Variants in B3GLCT observed in about 807,000 individuals in gnomAD.
B3GLCT encodes the protein beta-1,3-glucosyltransferase.
B3GLCT carries 65 observed loss-of-function variants against 63.4 expected under a neutral mutation model. The ratio of observed to expected loss-of-function variants is 1.03; its 90% CI spans 0.84 to 1.26. The LOEUF (loss-of-function observed/expected upper bound fraction) is 1.26. Ranked by LOEUF, B3GLCT falls within the 50% of genes most tolerant of loss-of-function variation. The probability of loss-of-function intolerance (pLI) is 0.00; values close to 1 mark genes in which losing one functional copy is unlikely to be tolerated. For missense variants in B3GLCT, 577 were observed against 604.8 expected, an observed-to-expected ratio of 0.95 and a Z score of 0.48; for synonymous variants, 233 against 219.2, an observed-to-expected ratio of 1.06 and a Z score of -0.55.
rs547185920 is a variant in B3GLCT, at chr13:31,292,192, G to C, written c.1064+5373G>C. Among the ~76,000 whole-genome samples, 111 of 152,284 alleles carry C rather than the reference G, an allele frequency of 7.3e-4. 1 individual carries two copies. Among genetic ancestry groups the C allele is most frequent in the Non-Finnish European group, 9.6e-4 (65 of 68,034 alleles). ...CTTGATCATGGTAGACAAGGTTTTTGATGTGCTGCTGGATTTGGTTTGCCA... is the reference window on the plus strand; with the variant it reads ...CTTGATCATGGTAGACAAGGTTTTTCATGTGCTGCTGGATTTGGTTTGCCA... On this transcript the variant is annotated intron_variant, in intron 12 of 14. Coordinates refer to ENST00000343307, the MANE Select transcript of B3GLCT (RefSeq NM_194318.4).
intron 4 of B3GLCT, among the ~76,000 whole-genome samples, chr13:31,233,590 G>A (rs184302665): frequency 6.6e-6 from 1 of 152,144 alleles, no homozygotes; most frequent in African/African-American, 2.4e-5. Context: ...TCCAGTGTGT[G>A]TAGGCCAAGC....
chr13:31,280,076 T>C (rs1684862464), intron 10 of B3GLCT, among the ~76,000 whole-genome samples: 1 of 152,148 alleles, frequency 6.6e-6, no homozygotes, highest in Non-Finnish European at 1.5e-5. Context: ...GTTTAAACAA[T>C]TTGTGCAGTT....
intron 11 of B3GLCT, 110 bp from the exon 12 acceptor site, chr13:31,286,610 C>T (rs779576760): frequency 6.2e-5 from 46 of 741,216 alleles, no homozygotes; most frequent in Non-Finnish European, 9.1e-5. Context: ...TTTTAAGCTG[C>T]ATTTTGGCAT....
chr13:31,200,564 C>T (rs899473916), intron 1 of B3GLCT, among the ~76,000 whole-genome samples: 1 of 151,028 alleles, frequency 6.6e-6, no homozygotes, highest in African/African-American at 2.4e-5. Context: ...GCGGTCCCGC[C>T]CCCCTGCCTT....
At chr13:31,276,080 GC>G (rs1872769995) in intron 9 of B3GLCT, among the ~76,000 whole-genome samples, 1 of 152,124 alleles carries the variant, frequency 6.6e-6, no homozygotes, top group South Asian at 2.1e-4. Context: ...CCCTCTTTGT[GC>G]CCCCTTTCAT....
chr13:31,209,108 G>C (rs530527425), intron 1 of B3GLCT, among the ~76,000 whole-genome samples: 1 of 152,202 alleles, frequency 6.6e-6, no homozygotes, highest in African/African-American at 2.4e-5. Flanking sequence ...CTTAAAAAAC[G>C]TACGGAGTGA....
intron 8 of B3GLCT, among the ~76,000 whole-genome samples, chr13:31,269,578 A>T (rs758939119): frequency 3.9e-5 from 6 of 152,064 alleles, no homozygotes; most frequent in African/African-American, 1.5e-4. Flanking sequence ...CATTAAAAGT[A>T]CCTCTGCTCT....
chr13:31,200,306 G>A (rs1281214431), intron 1 of B3GLCT, 152 bp downstream of exon 1: 20 of 263,714 alleles, frequency 7.6e-5, no homozygotes, highest in Non-Finnish European at 1.1e-4. Flanking sequence ...CCGCCGCGCC[G>A]CGCCGTCAGC....
chr13:31,236,783 C>T (rs1158705544), intron 4 of B3GLCT, among the ~76,000 whole-genome samples: 9 of 152,068 alleles, frequency 5.9e-5, no homozygotes, highest in Admixed American at 5.2e-4. Flanking sequence ...GTTTTTTATG[C>T]CACATGTATG....
chr13:31,290,865 T>C (rs141917046), intron 12 of B3GLCT, among the ~76,000 whole-genome samples: 131 of 152,376 alleles, frequency 8.6e-4, no homozygotes, highest in African/African-American at 2.7e-3. Flanking sequence ...TTTAGTTTAA[T>C]TGGATCCTGT....
intron 10 of B3GLCT, among the ~76,000 whole-genome samples, chr13:31,282,289 T>G (rs1873106865): frequency 6.6e-6 from 1 of 152,198 alleles, no homozygotes; most frequent in Non-Finnish European, 1.5e-5. Context: ...CAACCCTGGT[T>G]GAAAATAAAG....
intron 8 of B3GLCT, among the ~76,000 whole-genome samples, chr13:31,273,916 A>C (rs1252085802): frequency 3.3e-5 from 5 of 152,052 alleles, no homozygotes; most frequent in African/African-American, 1.2e-4. Flanking sequence ...TGTTGGTCAC[A>C]CCCCACCTTG....
At chr13:31,218,241 A>G (rs1361515412) in intron 2 of B3GLCT, among the ~76,000 whole-genome samples, 1 of 139,848 alleles carries the variant, frequency 7.2e-6, no homozygotes, top group African/African-American at 2.7e-5. Flanking sequence ...CCAGGCTAGC[A>G]TGCAGTGGCG....
intron 13 of B3GLCT, among the ~76,000 whole-genome samples, chr13:31,321,285 C>T (rs1174754464): frequency 6.6e-6 from 1 of 152,222 alleles, no homozygotes; most frequent in African/African-American, 2.4e-5. Context: ...TTGATAAAAG[C>T]TGTAAGACAT....
At chr13:31,299,429 T>G (rs747415150) in intron 12 of B3GLCT, among the ~76,000 whole-genome samples, 1 of 152,136 alleles carries the variant, frequency 6.6e-6, no homozygotes, top group African/African-American at 2.4e-5. Context: ...CATGTTCCAC[T>G]GAGTAAGCAA....
At chr13:31,237,174 G>A (rs1420936616) in intron 4 of B3GLCT, among the ~76,000 whole-genome samples, 9 of 151,186 alleles carry the variant, frequency 6.0e-5, no homozygotes, top group Admixed American at 4.6e-4. Flanking sequence ...GACAGCTAAC[G>A]TAGGGTCTGT....
At chr13:31,281,445 T>A (rs1325744945) in intron 10 of B3GLCT, among the ~76,000 whole-genome samples, 1 of 152,102 alleles carries the variant, frequency 6.6e-6, no homozygotes, top group Non-Finnish European at 1.5e-5. Context: ...AAGGTGAGGC[T>A]TGAATTAAAA....
chr13:31,290,044 T>C (rs1238604855), intron 12 of B3GLCT, among the ~76,000 whole-genome samples: 1 of 152,068 alleles, frequency 6.6e-6, no homozygotes, highest in African/African-American at 2.4e-5. Flanking sequence ...CAGGCCCTGG[T>C]GTGTGATGTT....
At chr13:31,258,032 G>A (rs1267430108) in intron 6 of B3GLCT, among the ~76,000 whole-genome samples, 1 of 152,140 alleles carries the variant, frequency 6.6e-6, no homozygotes, top group Non-Finnish European at 1.5e-5. Context: ...GAAGAACAAA[G>A]CAGAATAAGG....
Sources: allele counts gnomAD v4.1 joint callset (sites outside exome capture counted in the v4.1 genomes callset), GRCh38; gene constraint gnomAD v4.1.1; transcripts MANE v1.5; gene names NCBI Gene and HGNC (gene_info 2026-07-23, HGNC 2026-07-21).